The following USP37 variants were observed in gnomAD, a reference collection of about 807,000 sequenced individuals.
The protein encoded by USP37 is ubiquitin specific peptidase 37.
Under a neutral mutation model 124.0 loss-of-function variants are expected in USP37, and 27 were observed. The observed-to-expected ratio is 0.22, with a 90% CI of 0.16 to 0.30. The LOEUF (loss-of-function observed/expected upper bound fraction) is 0.30. Among genes scored for constraint, USP37 ranks in the 10% least tolerant of loss-of-function variants. The pLI, the probability that USP37 is intolerant of heterozygous loss-of-function variation, is 1.00. For missense variants in USP37, 889 were observed against 1,140.4 expected (o/e 0.78, Z 3.17); for synonymous variants, 365 against 388.0 (o/e 0.94, Z 0.70).
intron 7 of USP37, among the ~76,000 whole-genome samples, 189 bp from the exon 8 acceptor site, chr2:218,546,487 T>C (rs557246841): frequency 6.6e-6 from 1 of 152,204 alleles, no homozygotes; most frequent in African/African-American, 2.4e-5. Flanking sequence ...GACATGATCT[T>C]GGCTCACCGC....
At chr2:218,535,703 T>C (rs1007686116) in intron 8 of USP37, among the ~76,000 whole-genome samples, 4 of 150,986 alleles carry the variant, frequency 2.6e-5, no homozygotes, top group African/African-American at 9.7e-5. Flanking sequence ...AAAAATACAA[T>C]AATTAGCTGG....
At chr2:218,563,106 T>C (rs1007323706) in intron 1 of USP37, among the ~76,000 whole-genome samples, 10 of 144,548 alleles carry the variant, frequency 6.9e-5, no homozygotes, top group Admixed American at 6.5e-4. Context: ...GAGGTTGCAG[T>C]GAGCAGAGAT....
intron 9 of USP37, among the ~76,000 whole-genome samples, chr2:218,532,479 A>AAAAAAAG (rs1691386796): frequency 6.6e-6 from 1 of 151,222 alleles, no homozygotes; most frequent in Non-Finnish European, 1.5e-5. Context: ...AAAAAAAAAA[A>AAAAAAAG]AAAAAGAAAG....
rs1026027989 is a variant in USP37, at chr2:218,459,677, T to G, written c.2643+113A>C. 3.5e-5 allele frequency: 27 copies of G among 765,078 alleles called. No homozygotes were observed. In the Middle Eastern group the frequency reaches 7.3e-4, roughly 21 times the overall value. The allele number at this position is 765,078 out of a possible 1,614,324, so 47.4% of individuals were successfully genotyped here. A position where few individuals can be genotyped will look rare whatever the true frequency, so the allele number is the denominator to read the frequency against. On this transcript the variant is annotated intron_variant, in intron 23 of 25. Transcript: ENST00000258399. ...GAAAATGAGACCATCTAATGGCTAC[T>G]GAAAGGGCCAAAATGAACCTGCAGT...
intron 23 of USP37, among the ~76,000 whole-genome samples, chr2:218,457,783 C>A (rs1406241314): frequency 6.6e-6 from 1 of 152,076 alleles, no homozygotes; most frequent in Non-Finnish European, 1.5e-5. Flanking sequence ...CGTGGTGGCT[C>A]ACGCCTGTAA....
chr2:218,454,754 C>T lies in USP37; in HGVS notation c.*176G>A, dbSNP rs1015442075. ...GCTACGGATGTGAGACCAAAGTTTC[C>T]ATAAAATAGCATGGAGCATTCTACG... On this transcript the variant is annotated 3_prime_UTR_variant, in exon 26 of 26. Coordinates refer to ENST00000258399, the MANE Select transcript of USP37 (RefSeq NM_020935.3). The T allele has an allele frequency of 7.5e-7, 1 of 1,336,970 alleles. No homozygotes were observed. Among genetic ancestry groups the T allele is most frequent in the Admixed American group, 3.1e-5 (1 of 32,302 alleles). The allele number at this position is 1,336,970 out of a possible 1,614,324, so 82.8% of individuals were successfully genotyped here. A position where few individuals can be genotyped will look rare whatever the true frequency, so the allele number is the denominator to read the frequency against.
chr2:218,489,890 T>C (rs1167319149), intron 14 of USP37, among the ~76,000 whole-genome samples: 1 of 152,224 alleles, frequency 6.6e-6, no homozygotes, highest in Non-Finnish European at 1.5e-5. Flanking sequence ...CCTCTTTTGT[T>C]CAGCATGATT....
At chr2:218,531,925 G>A (rs750673281) in intron 9 of USP37, among the ~76,000 whole-genome samples, 1 of 152,224 alleles carries the variant, frequency 6.6e-6, no homozygotes, top group East Asian at 1.9e-4. Flanking sequence ...TCCTACGGAT[G>A]AGCAAAGAAA....
intron 10 of USP37, among the ~76,000 whole-genome samples, chr2:218,517,660 T>C (rs898937980): frequency 6.6e-6 from 1 of 152,208 alleles, no homozygotes; most frequent in Non-Finnish European, 1.5e-5. Context: ...TCTTTATTTC[T>C]AGAGTTTCAC....
At chr2:218,508,866 A>G (rs941199316) in intron 11 of USP37, among the ~76,000 whole-genome samples, 2 of 152,216 alleles carry the variant, frequency 1.3e-5, no homozygotes, top group Admixed American at 6.5e-5. Flanking sequence ...GGCAAATACC[A>G]CTCATTCAAG....
intron 18 of USP37, among the ~76,000 whole-genome samples, chr2:218,477,524 C>G (rs879248513): frequency 1.3e-5 from 2 of 152,162 alleles, no homozygotes; most frequent in Non-Finnish European, 2.9e-5. Flanking sequence ...GGGACCCTTT[C>G]TTTCCCAGGA....
chr2:218,480,756 G>A (rs1343209649), intron 17 of USP37, among the ~76,000 whole-genome samples: 3 of 152,182 alleles, frequency 2.0e-5, no homozygotes, highest in Non-Finnish European at 2.9e-5. Flanking sequence ...CTTGGCTTCA[G>A]GCCTGTGATC....
At chr2:218,544,128 C>T (rs1371900342) in intron 8 of USP37, among the ~76,000 whole-genome samples, 1 of 151,736 alleles carries the variant, frequency 6.6e-6, no homozygotes, top group Admixed American at 6.6e-5. Flanking sequence ...GCCTATAATC[C>T]CAGCACTTTG....
intron 10 of USP37, among the ~76,000 whole-genome samples, chr2:218,520,030 C>T (rs1360558260): frequency 2.0e-5 from 3 of 152,150 alleles, no homozygotes; most frequent in South Asian, 2.1e-4. Flanking sequence ...CTCTGCCTCC[C>T]GGGTTCAAGC....
At chr2:218,465,710 A>G (rs558373748) in intron 21 of USP37, among the ~76,000 whole-genome samples, 3 of 152,128 alleles carry the variant, frequency 2.0e-5, no homozygotes, top group African/African-American at 7.2e-5. Flanking sequence ...GGTGTGTGCC[A>G]CCATGCCTGG....
At chr2:218,553,461 T>C in intron 5 of USP37, 92 bp downstream of exon 5, 5 of 1,188,322 alleles carry the variant, frequency 4.2e-6, no homozygotes, top group African/African-American at 1.5e-5. Flanking sequence ...ATCCTTTTAA[T>C]GTGCTGATGA....
intron 9 of USP37, among the ~76,000 whole-genome samples, chr2:218,531,974 C>T (rs972579182): frequency 2.6e-5 from 4 of 152,116 alleles, no homozygotes; most frequent in Non-Finnish European, 4.4e-5. Flanking sequence ...GGTAAAGAAA[C>T]CATGAATATT....
intron 1 of USP37, among the ~76,000 whole-genome samples, chr2:218,566,827 T>TA (rs1693625752): frequency 1.3e-5 from 2 of 152,144 alleles, no homozygotes; most frequent in African/African-American, 4.8e-5. Flanking sequence ...GGAAGTAGGA[T>TA]AGAACTTGGA....
At chr2:218,556,511 T>TG (rs1296885398) in intron 4 of USP37, among the ~76,000 whole-genome samples, 10 of 122,840 alleles carry the variant, frequency 8.1e-5, no homozygotes, top group East Asian at 2.2e-4. Flanking sequence ...CTGTTTTTTT[T>TG]TTTTTTTTTT....
Sources: gnomAD v4.1 joint callset for allele counts (sites outside exome capture counted in the v4.1 genomes callset) on GRCh38, gnomAD v4.1.1 for gene constraint, MANE v1.5 for transcripts, NCBI Gene and HGNC (gene_info 2026-07-23, HGNC 2026-07-21) for gene names.